Variants in SPATA22 observed in about 807,000 individuals in gnomAD.
The protein encoded by SPATA22 is spermatogenesis-associated protein 22.
In SPATA22, 29 loss-of-function variants were observed where a neutral mutation model predicts 47.8. The ratio of observed to expected loss-of-function variants is 0.61; its 90% CI spans 0.45 to 0.83. The LOEUF is 0.83. Among genes scored for constraint, SPATA22 ranks in the 40% least tolerant of loss-of-function variants. The probability of loss-of-function intolerance (pLI) is 0.00; values close to 1 mark genes in which losing one functional copy is unlikely to be tolerated. For missense variants in SPATA22, 410 were observed against 421.7 expected, an observed-to-expected ratio of 0.97 and a Z score of 0.24; for synonymous variants, 133 against 140.9, an observed-to-expected ratio of 0.94 and a Z score of 0.40.
At chr17:3,445,050 A>G (rs1321953392) in intron 7 of SPATA22, among the ~76,000 whole-genome samples, 1 of 152,110 alleles carries the variant, frequency 6.6e-6, no homozygotes, top group Non-Finnish European at 1.5e-5. Context: ...GGGGAAATGA[A>G]TGGAATCAGC....
intron 5 of SPATA22, 62 bp downstream of exon 5, chr17:3,462,421 T>C (rs893153555): frequency 8.6e-7 from 1 of 1,160,184 alleles, no homozygotes; most frequent in Admixed American, 2.4e-5. Context: ...GAGGGAAGAA[T>C]GAAGAGGAAG....
chr17:3,496,838 G>A (rs138709375), intron 1 of SPATA22, among the ~76,000 whole-genome samples: 5,442 of 152,110 alleles, frequency 0.036, 151 homozygotes, highest in Non-Finnish European at 0.045. Flanking sequence ...AGGCCGAGGC[G>A]GGCGGATCAC....
intron 5 of SPATA22, among the ~76,000 whole-genome samples, chr17:3,452,948 C>T (rs940169569): frequency 6.6e-6 from 1 of 152,176 alleles, no homozygotes; most frequent in Non-Finnish European, 1.5e-5. Flanking sequence ...TTCTATCAAA[C>T]ATTCAAAGAC....
intron 1 of SPATA22, among the ~76,000 whole-genome samples, chr17:3,493,215 C>T (rs1419478235): frequency 1.3e-5 from 2 of 152,176 alleles, no homozygotes. Flanking sequence ...GGCAGGCTGC[C>T]TGCATCACAA....
At chr17:3,489,212 A>C (rs375663977) in intron 1 of SPATA22, 7 of 1,355,714 alleles carry the variant, frequency 5.2e-6, no homozygotes, top group Non-Finnish European at 7.4e-6. Context: ...TATAAATGTG[A>C]CTATCTCTCC....
intron 3 of SPATA22, among the ~76,000 whole-genome samples, chr17:3,463,103 C>T (rs2073166332): frequency 6.6e-6 from 1 of 152,180 alleles, no homozygotes; most frequent in Non-Finnish European, 1.5e-5. Context: ...GAAAGAAATA[C>T]ATCATAACTC....
intron 5 of SPATA22, 28 bp from the exon 6 acceptor site, chr17:3,449,177 G>A: frequency 6.9e-7 from 1 of 1,448,410 alleles, no homozygotes; most frequent in Admixed American, 2.3e-5. Context: ...AAAAGCATTT[G>A]TTTCTATATG....
At chr17:3,472,954 T>C (rs59030939), upstream of SPATA22, among the ~76,000 whole-genome samples, 79 of 152,194 alleles carry the variant, frequency 5.2e-4, no homozygotes, top group African/African-American at 1.8e-3. Context: ...ACTTGAACAA[T>C]AAAAATAAAA....
At chr17:3,475,339 A>G (rs893928148), upstream of SPATA22, 1 of 152,366 alleles carries the variant, frequency 6.6e-6, no homozygotes, top group Non-Finnish European at 1.5e-5. Flanking sequence ...TGGTTAGCAC[A>G]TGCAGTGTGT....
Position 3,462,649 on chromosome 17 carries a change from A to T in SPATA22, c.233+58T>A, listed in dbSNP as rs1190175336. 5.7e-6 allele frequency: 9 copies of T among 1,573,116 alleles called. No individual in the cohort carries two copies. In the East Asian group the frequency reaches 1.8e-4, roughly 31 times the overall value. On this transcript the variant is annotated intron_variant, in intron 4 of 8. Transcript: ENST00000572969. ...AATTGAGAAATTAAGATATACGTAG[A>T]AGAACAACATCAGTTAGTAACAGAC...
chr17:3,464,579 G>A (rs1161612521), intron 3 of SPATA22, among the ~76,000 whole-genome samples: 11 of 141,218 alleles, frequency 7.8e-5, no homozygotes, highest in South Asian at 6.9e-4. Flanking sequence ...AGTGAGGAGC[G>A]TCTCTGCCGG....
At position 3,449,159 on chromosome 17, in the gene SPATA22, TGC is replaced by T; in HGVS notation, c.330-12_330-11del. ...GTTACCATCTCTGTAGCTGTAATAG[TGC>T]AAAAAAAAAGCATTTGTTTCTATAT... On this transcript the variant is annotated splice_polypyrimidine_tract_variant and intron_variant, in intron 5 of 8. Coordinates refer to ENST00000572969, the MANE Select transcript of SPATA22 (RefSeq NM_001170698.2). The T allele has an allele frequency of 1.4e-6, 2 of 1,443,470 alleles. No individual in the cohort carries two copies. The highest frequency in any genetic ancestry group is 2.4e-5 in the East Asian group (1 of 41,058). The allele number at this position is 1,443,470 out of a possible 1,614,324, so 89.4% of individuals were successfully genotyped here.
At chr17:3,453,635 T>A (rs117553395) in intron 5 of SPATA22, among the ~76,000 whole-genome samples, 2,162 of 152,232 alleles carry the variant, frequency 0.014, 21 homozygotes, top group Non-Finnish European at 0.022. Context: ...AGTTACAGGC[T>A]GGGCATTCTA....
intron 1 of SPATA22, among the ~76,000 whole-genome samples, chr17:3,497,641 T>C (rs950730966): frequency 6.6e-6 from 1 of 152,202 alleles, no homozygotes; most frequent in African/African-American, 2.4e-5. Flanking sequence ...CAAGCGATCA[T>C]AATGTGCCAC....
chr17:3,508,856 T>C (rs1302906008), intron 1 of SPATA22, among the ~76,000 whole-genome samples: 1 of 130,946 alleles, frequency 7.6e-6, no homozygotes, highest in Non-Finnish European at 1.5e-5. Flanking sequence ...CATATGTAAC[T>C]AACCTGCACA....
At chr17:3,451,117 G>A (rs1948172) in intron 5 of SPATA22, among the ~76,000 whole-genome samples, 2 of 151,952 alleles carry the variant, frequency 1.3e-5, no homozygotes, top group Non-Finnish European at 2.9e-5. Flanking sequence ...GATGGAAAAA[G>A]ATATTCCATG....
At chr17:3,469,004 C>T (rs2073372403) in intron 2 of SPATA22, 1 of 310,492 alleles carries the variant, frequency 3.2e-6, no homozygotes, top group African/African-American at 2.1e-5. Flanking sequence ...AAAAATAGAT[C>T]TATTTCTTTG....
rs2073799084 is a variant in SPATA22 at position 3,490,118 on chromosome 17, C to T, written c.-73-20720G>A. Among the ~76,000 whole-genome samples the T allele has an allele frequency of 6.6e-6, 1 of 152,144 alleles. No individual in the cohort carries two copies. On this transcript the variant is annotated intron_variant, in intron 1 of 8. Transcript: ENST00000541913. The surrounding 1 kb of genome is among the most constrained non-coding windows in gnomAD (Gnocchi z 4.6). The stretch of plus-strand genomic sequence containing the variant: ...AGGATACATATATATGTTAACACAT[C>T]ACAGGGAAAGTCCTAGAAGAAAACA...
intron 1 of SPATA22, chr17:3,511,384 G>A (rs926286388): frequency 6.6e-6 from 1 of 152,182 alleles, no homozygotes; most frequent in African/African-American, 2.4e-5. Context: ...AGACATCTGT[G>A]GTCCAAGAAT....
Sources: allele counts gnomAD v4.1 joint callset (sites outside exome capture counted in the v4.1 genomes callset), GRCh38; gene constraint gnomAD v4.1.1; non-coding constraint Gnocchi (gnomAD v3.1); transcripts MANE v1.5; gene names NCBI Gene and HGNC (gene_info 2026-07-23, HGNC 2026-07-21).